The following CDK18 variants were observed in gnomAD, a reference collection of about 807,000 sequenced individuals.
CDK18 encodes the protein cyclin dependent kinase 18.
A neutral mutation model predicts 62.0 loss-of-function variants in CDK18; 52 were observed. That is an observed-to-expected ratio of 0.84 (90% confidence interval 0.67 to 1.06). CDK18 has a LOEUF of 1.06. Ranked by LOEUF, CDK18 falls within the 50% of genes least tolerant of loss-of-function variation. The pLI is 0.00. For missense variants in CDK18, 604 were observed against 619.9 expected, an observed-to-expected ratio of 0.97 and a Z score of 0.27; for synonymous variants, 237 against 247.0, an observed-to-expected ratio of 0.96 and a Z score of 0.38.
chr1:205,522,966 G>A (rs1668211490), intron 1 of CDK18, 181 bp from the exon 2 acceptor site: 1 of 601,904 alleles, frequency 1.7e-6, no homozygotes, highest in Non-Finnish European at 2.9e-6. Flanking sequence ...TGACTGGGAA[G>A]AAGAGGGTGA....
chr1:205,522,961 G>A (rs1668211339), intron 1 of CDK18, 186 bp from the exon 2 acceptor site: 1 of 590,886 alleles, frequency 1.7e-6, no homozygotes, highest in Non-Finnish European at 2.9e-6. Context: ...GAAGGTGACT[G>A]GGAAGAAGAG....
chr1:205,531,129 C>T (rs1383699228), intron 15 of CDK18, among the ~76,000 whole-genome samples: 1 of 152,190 alleles, frequency 6.6e-6, no homozygotes, highest in Non-Finnish European at 1.5e-5. Context: ...ATTTCATAGT[C>T]AATGAAACTG....
chr1:205,527,747 G>A lies in CDK18; in HGVS notation c.730-47G>A, dbSNP rs750598328. 1.2e-6 allele frequency: 2 copies of A among 1,602,838 alleles called. No homozygotes were observed. The highest frequency in any genetic ancestry group is 1.7e-6 in the Non-Finnish European group (2 of 1,173,046). ...ATCCTGGTCCCAGCCTTGGAGCAGA[G>A]GCTCAGGGCCACCTTCCACCCCACA... On this transcript the variant is annotated intron_variant, in intron 8 of 15. Transcript: ENST00000429964. This position sits in a 1 kb window ranked among gnomAD's most constrained non-coding sequence, Gnocchi z 4.1.
intron 7 of CDK18, 104 bp downstream of exon 7, chr1:205,526,565 G>A (rs1285712326): frequency 7.0e-6 from 7 of 994,764 alleles, no homozygotes; most frequent in Admixed American, 1.7e-5. Context: ...GGATGAGGGC[G>A]ACCCAGGCCT....
intron 1 of CDK18, among the ~76,000 whole-genome samples, chr1:205,507,235 C>G (rs948814471): frequency 6.6e-6 from 1 of 152,164 alleles, no homozygotes; most frequent in Non-Finnish European, 1.5e-5. Flanking sequence ...AATCCAGCTC[C>G]AGCATATAGT....
At position 205,529,364 on chromosome 1, in the gene CDK18, CT is replaced by C; in HGVS notation, c.1114del (p.Ser372LeufsTer31). On this transcript the variant is annotated frameshift_variant, in exon 12 of 16. Coordinates refer to ENST00000429964, the MANE Select transcript of CDK18 (RefSeq NM_212502.3). LOFTEE classifies it high-confidence loss of function. Reference protein sequence around the residue: ...EETWPGVTAFSEFRTYSFPCY... With the variant: ...EETWPGVTAFXEFRTYSFPCY... ...AGACGTGGCCCGGCGTGACCGCCTT[CT>C]CTGAGTTCCGCACCTACAGCTTCCC... is the stretch of plus-strand genomic sequence containing the variant. 6.2e-7 allele frequency: 1 copy of C among 1,614,074 alleles called. No individual in the cohort carries two copies. The highest frequency in any genetic ancestry group is 1.7e-5 in the Admixed American group (1 of 60,028).
At chr1:205,507,633 CAAAAAAAAAAAAAAAAAA>C (rs56313401) in intron 1 of CDK18, among the ~76,000 whole-genome samples, 1 of 72,198 alleles carries the variant, frequency 1.4e-5, no homozygotes, top group Non-Finnish European at 2.5e-5. Context: ...GACTCCGTCT[CAAAAAAAAAAAAAAAAAA>C]AAAAAAAAAA....
rs1667907944 is a variant in CDK18, at chr1:205,517,954, C to T, written c.-21-5193C>T. 6.6e-6 allele frequency among the ~76,000 whole-genome samples: 1 copy of T among 152,188 alleles called. No homozygotes were observed. The highest frequency in any genetic ancestry group is 6.5e-5 in the Admixed American group (1 of 15,278). On this transcript the variant is annotated intron_variant, in intron 1 of 15. Transcript: ENST00000429964. The surrounding 1 kb of genome is among the most constrained non-coding windows in gnomAD (Gnocchi z 4.1). ...GGCCCAACACAGCTGCTCCGCACTC[C>T]CATCCAGCATCTTCTCCAGCCACAT...
At position 205,523,572 on chromosome 1, in the gene CDK18, TC is replaced by T. The variant is rs1291357672; in HGVS notation, c.224del (p.Pro75LeufsTer71). 3 of 1,598,892 alleles carry T rather than the reference TC, an allele frequency of 1.9e-6. No individual in the cohort carries two copies. The highest frequency in any genetic ancestry group is 2.7e-5 in the African/African-American group (2 of 74,846). ...CAGCGGGGAGGAGCCGGGGCAGCTCTCCCCTGGCGTGCAGTTCCAGCGGCGG... is the reference window on the plus strand; with the variant it reads ...CAGCGGGGAGGAGCCGGGGCAGCTCTCCCTGGCGTGCAGTTCCAGCGGCGG... ...TDSGEEPGQL[S>X]PGVQFQRRQN... On this transcript the variant is annotated frameshift_variant, in exon 3 of 16. Transcript: ENST00000429964. LOFTEE classifies it high-confidence loss of function.
At position 205,532,533 on chromosome 1, in the gene CDK18, TGA is replaced by T. The variant is rs1422150859; in HGVS notation, c.*1159_*1160del. 4.6e-5 allele frequency: 7 copies of T among 152,508 alleles called. No individual in the cohort carries two copies. The highest frequency in any genetic ancestry group is 1.0e-4 in the Non-Finnish European group (7 of 68,218). The allele number at this position is 152,508 out of a possible 1,614,324, so 9.4% of individuals were successfully genotyped here. A position where few individuals can be genotyped will look rare whatever the true frequency, so the allele number is the denominator to read the frequency against. On this transcript the variant is annotated 3_prime_UTR_variant, in exon 16 of 16. Coordinates refer to ENST00000429964, the MANE Select transcript of CDK18 (RefSeq NM_212502.3). ...GTGGAACAGGAGCAGGCTCTGATGC[TGA>T]GAGGCTTGCCTCCGGGGGCTGGAAG...
Position 205,531,638 on chromosome 1 carries a change from A to AGG in CDK18, c.*267_*268dup. On this transcript the variant is annotated 3_prime_UTR_variant, in exon 16 of 16. Transcript: ENST00000429964. ...TAAGCTGCTTCCCTGAGAGGACATG[A>AGG]GGGGGGGGCGGTCCTCGTACCCTCT... 4.1e-6 allele frequency: 2 copies of AGG among 488,898 alleles called. No homozygotes were observed. The highest frequency in any genetic ancestry group is 7.5e-6 in the Non-Finnish European group (2 of 266,872). The allele number at this position is 488,898 out of a possible 1,614,324, so 30.3% of individuals were successfully genotyped here. A position where few individuals can be genotyped will look rare whatever the true frequency, so the allele number is the denominator to read the frequency against.
intron 13 of CDK18, 27 bp from the exon 14 acceptor site, chr1:205,530,232 C>T (rs1338557143): frequency 1.2e-6 from 2 of 1,609,184 alleles, no homozygotes; most frequent in African/African-American, 1.3e-5. Flanking sequence ...CCAGCCGGGC[C>T]CAATAGCCCC....
At chr1:205,526,283 G>A (rs1346831006) in intron 6 of CDK18, 84 bp from the exon 7 acceptor site, 32 of 1,463,710 alleles carry the variant, frequency 2.2e-5, no homozygotes, top group Non-Finnish European at 3.0e-5. Flanking sequence ...TTGCTGGAAT[G>A]GGACTCCTGG....
chr1:205,515,693 A>G (rs1255339311), intron 1 of CDK18, among the ~76,000 whole-genome samples: 3 of 152,160 alleles, frequency 2.0e-5, no homozygotes, highest in African/African-American at 7.2e-5. Flanking sequence ...AAGGCTAGAC[A>G]CCGTGTGTTC....
chr1:205,515,347 T>C (rs1345938601), intron 1 of CDK18, among the ~76,000 whole-genome samples: 1 of 151,990 alleles, frequency 6.6e-6, no homozygotes, highest in South Asian at 2.1e-4. Context: ...CAGCTGATTT[T>C]TGTATTTTTA....
chr1:205,515,078 G>T (rs1168865534), intron 1 of CDK18, among the ~76,000 whole-genome samples: 4 of 152,086 alleles, frequency 2.6e-5, no homozygotes, highest in African/African-American at 4.8e-5. Flanking sequence ...GGGGAGGGGT[G>T]AGAGCTGAGG....
intron 1 of CDK18, among the ~76,000 whole-genome samples, chr1:205,520,063 G>A (rs1276767420): frequency 6.6e-5 from 10 of 152,026 alleles, no homozygotes; most frequent in Admixed American, 6.5e-5. Flanking sequence ...GACAAAGCAC[G>A]GGGACATTGG....
rs1434671019 is a variant in CDK18 at position 205,526,801 on chromosome 1, C to A, written c.693C>A (p.Asp231Glu). 6.2e-6 allele frequency: 10 copies of A among 1,613,976 alleles called. No individual in the cohort carries two copies. Among genetic ancestry groups the A allele is most frequent in the African/African-American group, 1.3e-5 (1 of 74,916 alleles). Residue 231 changes from aspartate (D) to glutamate (E), a missense_variant, in exon 8 of 16, where the codon GAC becomes GAA. Asp to Glu is a conservative substitution (Grantham distance 45). Transcript: ENST00000429964. ...YLDSDLKQYL[D>E]HCGNLMSMHN... ...ACAGTGACCTGAAGCAGTATCTGGACCACTGTGGGAACCTCATGAGCATGC... is the reference window on the plus strand; with the variant it reads ...ACAGTGACCTGAAGCAGTATCTGGAACACTGTGGGAACCTCATGAGCATGC...
chr1:205,527,858 A>G lies in CDK18; in HGVS notation c.794A>G (p.Asp265Gly). ...CACCACCGCAAGATCCTGCACCGGG[A>G]CCTGAAGCCCCAGAACCTGCTCATC... is the stretch of plus-strand genomic sequence containing the variant. ...YCHHRKILHR[D>G]LKPQNLLINE... The change falls in exon 9 of 16, where the codon GAC (aspartate) becomes GGC (glycine). Residue 265 changes from aspartate (D) to glycine (G), a missense_variant. By Grantham distance (94) the Asp-to-Gly change is moderately conservative (BLOSUM62 -1). Coordinates refer to ENST00000429964, the MANE Select transcript of CDK18 (RefSeq NM_212502.3). The surrounding 1 kb of genome is among the most constrained non-coding windows in gnomAD (Gnocchi z 4.1). The G allele has an allele frequency of 6.2e-7, 1 of 1,613,996 alleles. No individual in the cohort carries two copies. Among genetic ancestry groups the G allele is most frequent in the Non-Finnish European group, 8.5e-7 (1 of 1,179,990 alleles).
Sources: allele counts gnomAD v4.1 joint callset (sites outside exome capture counted in the v4.1 genomes callset), GRCh38; gene constraint gnomAD v4.1.1; non-coding constraint Gnocchi (gnomAD v3.1); transcripts MANE v1.5; gene names NCBI Gene and HGNC (gene_info 2026-07-23, HGNC 2026-07-21).